The following IL7 variants were observed in gnomAD, a reference collection of about 807,000 sequenced individuals.
IL7 encodes the protein interleukin-7.
IL7 carries 3 observed loss-of-function variants against 21.6 expected under a neutral mutation model. The observed-to-expected ratio is 0.14, with a 90% CI of 0.06 to 0.36. IL7 has a LOEUF of 0.36. Among genes scored for constraint, IL7 ranks in the 10% least tolerant of loss-of-function variants. The pLI, the probability that IL7 is intolerant of heterozygous loss-of-function variation, is 1.00. For synonymous variants in IL7, 62 were observed against 68.1 expected (o/e 0.91, Z 0.44); for missense variants, 175 against 200.2 (o/e 0.87, Z 0.76).
chr8:78,760,841 T>G, intron 2 of IL7: 1 of 1,557,476 alleles, frequency 6.4e-7, no homozygotes, highest in Admixed American at 1.9e-5. Flanking sequence ...ATTATAAACT[T>G]CAATATTTTC....
chr8:78,728,185 C>T (rs1489727900), downstream of IL7, among the ~76,000 whole-genome samples: 1 of 151,986 alleles, frequency 6.6e-6, no homozygotes, highest in Non-Finnish European at 1.5e-5. Context: ...GAGTACAGTA[C>T]AGATGCCATT....
chr8:78,723,092 A>AATATATATATATATAT (rs71264200), intron 3 of IL7, among the ~76,000 whole-genome samples: 264 of 140,472 alleles, frequency 1.9e-3, no homozygotes, highest in Non-Finnish European at 2.4e-3. Flanking sequence ...TAGAAGTACA[A>AATATATATATATATAT]ATATATATAT....
intron 3 of IL7, among the ~76,000 whole-genome samples, chr8:78,687,711 TA>T (rs1810050861): frequency 1.1e-5 from 1 of 94,508 alleles, no homozygotes; most frequent in Non-Finnish European, 2.2e-5. Context: ...ATTATATATA[TA>T]TTTACGTAAT....
downstream of IL7, chr8:78,717,266 G>A: frequency 1.4e-6 from 2 of 1,445,508 alleles, no homozygotes; most frequent in Non-Finnish European, 1.9e-6. Flanking sequence ...GTTTCTCCAG[G>A]GTTATGGGTT....
At chr8:78,677,198 AAG>A (rs1809608997) in intron 4 of IL7, among the ~76,000 whole-genome samples, 1 of 152,136 alleles carries the variant, frequency 6.6e-6, no homozygotes, top group Admixed American at 6.6e-5. Context: ...CAAAAGAAAA[AAG>A]AGTATTTAGT....
At chr8:78,779,501 G>T (rs563629578) in intron 2 of IL7, among the ~76,000 whole-genome samples, 4 of 152,192 alleles carry the variant, frequency 2.6e-5, no homozygotes, top group Admixed American at 6.5e-5. Flanking sequence ...TAATCAAGTG[G>T]TTTTTGTCTT....
At chr8:78,748,571 G>A (rs1042994741) in intron 2 of IL7, among the ~76,000 whole-genome samples, 1 of 152,146 alleles carries the variant, frequency 6.6e-6, no homozygotes, top group Non-Finnish European at 1.5e-5. Flanking sequence ...CCTAACTATG[G>A]TAAGCTGGTT....
chr8:78,735,091 G>A (rs1474186267), intron 5 of IL7, among the ~76,000 whole-genome samples: 1 of 151,562 alleles, frequency 6.6e-6, no homozygotes, highest in East Asian at 1.9e-4. Context: ...GTTTTCAATA[G>A]GGGGTCCTGG....
intron 4 of IL7, among the ~76,000 whole-genome samples, chr8:78,679,967 G>A (rs1454545733): frequency 1.3e-5 from 2 of 152,132 alleles, no homozygotes; most frequent in Non-Finnish European, 2.9e-5. Flanking sequence ...TGGAAGCAGT[G>A]TAATATAGTG....
At chr8:78,718,659 C>A (rs1811176908) in intron 6 of IL7, 1 of 151,726 alleles carries the variant, frequency 6.6e-6, no homozygotes, top group African/African-American at 2.4e-5. Context: ...ATTGACTTAC[C>A]TAATTAAACA....
intron 3 of IL7, among the ~76,000 whole-genome samples, chr8:78,694,120 C>T (rs1313118729): frequency 6.6e-6 from 1 of 151,916 alleles, no homozygotes; most frequent in African/African-American, 2.4e-5. Flanking sequence ...TAATTTCTTG[C>T]AGTTGGCTGG....
chr8:78,698,931 A>G (rs1342960931), intron 3 of IL7, among the ~76,000 whole-genome samples: 1 of 152,184 alleles, frequency 6.6e-6, no homozygotes, highest in Non-Finnish European at 1.5e-5. Flanking sequence ...AAAGCCACAT[A>G]GCTGTTAAAG....
chr8:78,741,551 T>A (rs1452371569), intron 2 of IL7, among the ~76,000 whole-genome samples: 2 of 152,258 alleles, frequency 1.3e-5, no homozygotes, highest in Admixed American at 1.3e-4. Flanking sequence ...AATGCCAATT[T>A]CTTGCAACAT....
At chr8:78,694,299 T>TC (rs773070659) in intron 3 of IL7, among the ~76,000 whole-genome samples, 7,448 of 141,872 alleles carry the variant, frequency 0.052, 261 homozygotes, top group Middle Eastern at 0.085. Context: ...TTTTTTTTTT[T>TC]CTCATTCAGT....
chr8:78,734,265 A>G (rs1391782050), intron 5 of IL7, among the ~76,000 whole-genome samples: 2 of 152,152 alleles, frequency 1.3e-5, no homozygotes, highest in African/African-American at 2.4e-5. Flanking sequence ...CTTGTACCCT[A>G]AGGTCTCCTC....
rs879305670 is a variant in IL7 at position 78,769,179 on chromosome 8, G to T, written c.147+28893C>A. Reference sequence around the variant, plus strand: ...ATTCAACACAGTGTTGGAAGTTCTGGCCAGGGCAATTAGGCAGGAGAAGGA... The same window carrying T: ...ATTCAACACAGTGTTGGAAGTTCTGTCCAGGGCAATTAGGCAGGAGAAGGA... On this transcript the variant is annotated intron_variant, in intron 2 of 5. Coordinates refer to ENST00000263851, the MANE Select transcript of IL7 (RefSeq NM_000880.4). 5.9e-4 allele frequency among the ~76,000 whole-genome samples: 90 copies of T among 151,666 alleles called. 2 individuals are homozygous for T. The highest frequency in any genetic ancestry group is 4.9e-3 in the Admixed American group (75 of 15,242).
At chr8:78,736,087 ATTG>A (rs1029660472) in intron 5 of IL7, among the ~76,000 whole-genome samples, 3 of 151,530 alleles carry the variant, frequency 2.0e-5, no homozygotes, top group South Asian at 2.1e-4. Flanking sequence ...ATAAGTCCTT[ATTG>A]TTTAATTTTT....
At chr8:78,703,050 C>T (rs1184085732) in intron 3 of IL7, among the ~76,000 whole-genome samples, 1 of 152,106 alleles carries the variant, frequency 6.6e-6, no homozygotes, top group African/African-American at 2.4e-5. Context: ...GGATGTGCCA[C>T]CACACCTGGC....
chr8:78,787,818 C>T (rs1813561397), intron 2 of IL7, among the ~76,000 whole-genome samples: 1 of 152,088 alleles, frequency 6.6e-6, no homozygotes. Flanking sequence ...ATTTGAGTTT[C>T]CTAGGGCTTC....
Sources: allele counts gnomAD v4.1 joint callset (sites outside exome capture counted in the v4.1 genomes callset), GRCh38; gene constraint gnomAD v4.1.1; transcripts MANE v1.5; gene names NCBI Gene and HGNC (gene_info 2026-07-23, HGNC 2026-07-21).